Variants in PPP3CA observed in about 807,000 individuals in gnomAD.
The protein encoded by PPP3CA is protein phosphatase 3 catalytic subunit alpha, also known as CAM-PRP catalytic subunit.
In PPP3CA, 14 loss-of-function variants were observed where a neutral mutation model predicts 66.5. The observed-to-expected ratio is 0.21, with a 90% CI of 0.14 to 0.33. The LOEUF (loss-of-function observed/expected upper bound fraction) is 0.33. Ranked by LOEUF, PPP3CA falls within the 10% of genes least tolerant of loss-of-function variation. The pLI, the probability that PPP3CA is intolerant of heterozygous loss-of-function variation, is 1.00. For missense variants in PPP3CA, 317 were observed against 639.5 expected (o/e 0.50, Z 5.44); for synonymous variants, 232 against 226.2 (o/e 1.03, Z -0.23).
intron 1 of PPP3CA, among the ~76,000 whole-genome samples, chr4:101,293,306 C>CTT (rs1159045674): frequency 6.6e-6 from 1 of 152,158 alleles, no homozygotes; most frequent in Non-Finnish European, 1.5e-5. Context: ...CCATGCTTCA[C>CTT]TTTTCCATAA....
At chr4:101,129,665 G>A (rs1038371815) in intron 2 of PPP3CA, among the ~76,000 whole-genome samples, 2 of 152,174 alleles carry the variant, frequency 1.3e-5, no homozygotes, top group African/African-American at 4.8e-5. Flanking sequence ...CTGACTGTTA[G>A]AAGGAAAACT....
At position 101,083,238 on chromosome 4, in the gene PPP3CA, G is replaced by GT; in HGVS notation, c.807dup (p.Gln270ThrfsTer4). ...AGTATAGATAACAAGTTATTGTGCT[G>GT]TAAGAATTCACATACAGCCGGGTAA... On this transcript the variant is annotated frameshift_variant, in exon 7 of 14. Transcript: ENST00000394854. LOFTEE classifies it high-confidence loss of function. 1 of 1,608,868 alleles carries GT rather than the reference G, an allele frequency of 6.2e-7. No homozygotes were observed. Among genetic ancestry groups the GT allele is most frequent in the Non-Finnish European group, 8.5e-7 (1 of 1,177,140 alleles).
intron 1 of PPP3CA, among the ~76,000 whole-genome samples, chr4:101,328,592 T>C (rs1373912360): frequency 6.6e-6 from 1 of 152,206 alleles, no homozygotes; most frequent in Non-Finnish European, 1.5e-5. Flanking sequence ...ACCTCACTTA[T>C]TGTGTTTTGC....
intron 1 of PPP3CA, among the ~76,000 whole-genome samples, chr4:101,311,440 A>G (rs1728719439): frequency 2.6e-5 from 4 of 152,164 alleles, no homozygotes. Context: ...TCTGGCCCCT[A>G]AGCCATGCTG....
chr4:101,147,168 T>C (rs1222415257), intron 2 of PPP3CA, among the ~76,000 whole-genome samples: 1 of 152,196 alleles, frequency 6.6e-6, no homozygotes, highest in Non-Finnish European at 1.5e-5. Flanking sequence ...TTAGACTCTG[T>C]TGTTAAAGGC....
chr4:101,115,732 A>G (rs1292690714), intron 2 of PPP3CA, among the ~76,000 whole-genome samples: 1 of 151,936 alleles, frequency 6.6e-6, no homozygotes, highest in African/African-American at 2.4e-5. Flanking sequence ...TTTTCACATA[A>G]AATTACTCAA....
intron 2 of PPP3CA, among the ~76,000 whole-genome samples, chr4:101,145,133 T>C (rs1722929034): frequency 6.6e-6 from 1 of 152,186 alleles, no homozygotes; most frequent in South Asian, 2.1e-4. Context: ...CACTGCTCTA[T>C]ATATAATGTT....
chr4:101,235,456 G>T (rs1426507704), intron 1 of PPP3CA, among the ~76,000 whole-genome samples: 1 of 97,652 alleles, frequency 1.0e-5, no homozygotes, highest in Non-Finnish European at 2.5e-5. Flanking sequence ...CACACACACA[G>T]AATGGATATA....
intron 12 of PPP3CA, among the ~76,000 whole-genome samples, chr4:101,030,428 A>G (rs1236102397): frequency 6.6e-6 from 1 of 152,126 alleles, no homozygotes; most frequent in African/African-American, 2.4e-5. Context: ...GACAAATTGA[A>G]GGGCATCAGG....
intron 1 of PPP3CA, among the ~76,000 whole-genome samples, chr4:101,316,573 T>A (rs1432130848): frequency 6.6e-6 from 1 of 152,170 alleles, no homozygotes; most frequent in Non-Finnish European, 1.5e-5. Context: ...CCAGTAGAAG[T>A]GCCACTAAGT....
chr4:101,262,094 C>T (rs902777808), intron 1 of PPP3CA, among the ~76,000 whole-genome samples: 7 of 151,872 alleles, frequency 4.6e-5, no homozygotes, highest in African/African-American at 7.3e-5. Context: ...ATACAAAGAC[C>T]GATTTTTACC....
chr4:101,268,480 G>A (rs540378803), intron 1 of PPP3CA, among the ~76,000 whole-genome samples: 3 of 152,026 alleles, frequency 2.0e-5, no homozygotes, highest in South Asian at 4.2e-4. Context: ...ACTTAAATAC[G>A]TAAAACCATC....
intron 2 of PPP3CA, among the ~76,000 whole-genome samples, chr4:101,192,840 C>T (rs548318920): frequency 6.6e-6 from 1 of 152,244 alleles, no homozygotes; most frequent in South Asian, 2.1e-4. Flanking sequence ...TTACCTAGAC[C>T]TTGGATATTC....
intron 1 of PPP3CA, among the ~76,000 whole-genome samples, chr4:101,207,811 C>G (rs934940363): frequency 6.7e-6 from 1 of 149,564 alleles, no homozygotes; most frequent in Non-Finnish European, 1.5e-5. Flanking sequence ...GGTGACAGAG[C>G]GAGACTCCGT....
At chr4:101,083,564 A>ATTT (rs1368716523) in intron 6 of PPP3CA, among the ~76,000 whole-genome samples, 1 of 152,240 alleles carries the variant, frequency 6.6e-6, no homozygotes, top group Non-Finnish European at 1.5e-5. Flanking sequence ...AAAAGTCTAC[A>ATTT]TTTAAAGACA....
chr4:101,047,487 C>T (rs1160629978), intron 10 of PPP3CA, among the ~76,000 whole-genome samples: 1 of 152,160 alleles, frequency 6.6e-6, no homozygotes, highest in Non-Finnish European at 1.5e-5. Context: ...GTCCCACTAT[C>T]ATTCACTTAG....
chr4:101,038,074 C>T (rs1313021030), intron 11 of PPP3CA, among the ~76,000 whole-genome samples: 1 of 152,132 alleles, frequency 6.6e-6, no homozygotes, highest in Non-Finnish European at 1.5e-5. Context: ...CTTCCTGTGT[C>T]GATGATTGTC....
rs1343836557 is a variant in PPP3CA, at chr4:101,025,914, T to C, written c.1517A>G (p.Glu506Gly). Residue 506 changes from glutamate (E) to glycine (G), a missense_variant, in exon 14 of 14, where the codon GAG becomes GGG. Glu to Gly is a moderately conservative substitution (Grantham distance 98). This residue lies in a region of PPP3CA where 40 missense variants were observed against 38.6 expected (regional missense o/e 1.04). Coordinates refer to ENST00000394854, the MANE Select transcript of PPP3CA (RefSeq NM_000944.5). ...LNSINKALTS[E>G]TNGTDSNGSN... ...GCCATTGCTGTCCGTGCCGTTAGTC[T>C]CTGAGGTGAGAGCCTTGTTGATGGA... 5 of 1,595,816 alleles carry C rather than the reference T, an allele frequency of 3.1e-6. No individual in the cohort carries two copies. In the African/African-American group the frequency reaches 6.8e-5, roughly 22 times the overall value.
intron 2 of PPP3CA, among the ~76,000 whole-genome samples, chr4:101,182,599 C>G (rs957320457): frequency 2.0e-5 from 3 of 152,144 alleles, no homozygotes; most frequent in African/African-American, 7.2e-5. Context: ...TGGCTTCTCT[C>G]TGGAAAAGAA....
Sources: allele counts gnomAD v4.1 joint callset (sites outside exome capture counted in the v4.1 genomes callset), GRCh38; gene constraint gnomAD v4.1.1; regional missense constraint gnomAD v4.1.1; transcripts MANE v1.5; gene names NCBI Gene and HGNC (gene_info 2026-07-23, HGNC 2026-07-21).